The following LRFN5 variants were observed in gnomAD, a reference collection of about 807,000 sequenced individuals.
LRFN5 encodes the protein leucine-rich repeat and fibronectin type-III domain-containing protein 5.
LRFN5 carries 24 observed loss-of-function variants against 45.6 expected under a neutral mutation model. That is an observed-to-expected ratio of 0.53 (90% CI 0.38 to 0.74). LRFN5 has a LOEUF of 0.74. Among genes scored for constraint, LRFN5 ranks in the 30% least tolerant of loss-of-function variants. The pLI is 0.00. For missense variants in LRFN5, 776 were observed against 861.5 expected (o/e 0.90, Z 1.24); for synonymous variants, 340 against 313.8 (o/e 1.08, Z -0.88).
chr14:41,896,452 G>A (rs1276762237), intron 4 of LRFN5, among the ~76,000 whole-genome samples: 2 of 152,092 alleles, frequency 1.3e-5, no homozygotes, highest in African/African-American at 2.4e-5. Flanking sequence ...TTGAGGAAAG[G>A]ACTTCTGCAC....
intron 1 of LRFN5, among the ~76,000 whole-genome samples, chr14:41,762,731 T>C (rs1566658614): frequency 6.6e-6 from 1 of 152,086 alleles, no homozygotes; most frequent in African/African-American, 2.4e-5. Flanking sequence ...ATAATGGCTA[T>C]TTTATCTCAA....
rs538032035 is a variant in LRFN5, at chr14:41,863,054, C to T, written c.-20-23552C>T. Among the ~76,000 whole-genome samples the T allele has an allele frequency of 1.8e-4, 27 of 151,778 alleles. No individual in the cohort carries two copies. In the East Asian group the frequency reaches 5.3e-3, roughly 30 times the overall value. ...TAATTTTTTGTATTTTTTAGTGAGA[C>T]GGAGTTTCACCGTATTAGCCAGGAT... On this transcript the variant is annotated intron_variant, in intron 2 of 5. Transcript: ENST00000298119.
rs920294320 is a variant in LRFN5, at chr14:41,767,039, T to C, written c.-21+10T>C. The C allele has an allele frequency of 4.6e-5, 7 of 152,726 alleles. No individual in the cohort carries two copies. Among genetic ancestry groups the C allele is most frequent in the Non-Finnish European group, 8.8e-5 (6 of 68,026 alleles). The allele number at this position is 152,726 out of a possible 1,614,324, so 9.5% of individuals were successfully genotyped here. Reference sequence around the variant, plus strand: ...TCTTCAGGCTCCAGAAGTAAGTTGATTGCATTCAGTTCAATCATTGTCAGT... The same window carrying C: ...TCTTCAGGCTCCAGAAGTAAGTTGACTGCATTCAGTTCAATCATTGTCAGT... On this transcript the variant is annotated intron_variant, in intron 2 of 5. Coordinates refer to ENST00000298119, the MANE Select transcript of LRFN5 (RefSeq NM_152447.5).
chr14:41,877,512 T>C, intron 2 of LRFN5, among the ~76,000 whole-genome samples: 1 of 152,222 alleles, frequency 6.6e-6, no homozygotes, highest in African/African-American at 2.4e-5. Flanking sequence ...CTTCAATAAA[T>C]GATAATTATT....
At chr14:41,688,472 A>G (rs1053522722) in intron 1 of LRFN5, among the ~76,000 whole-genome samples, 6 of 151,988 alleles carry the variant, frequency 3.9e-5, no homozygotes, top group Non-Finnish European at 7.4e-5. Flanking sequence ...AAAATTTAAA[A>G]ATAAATTAGT....
At chr14:41,784,572 T>C (rs1594706481) in intron 2 of LRFN5, among the ~76,000 whole-genome samples, 1 of 152,190 alleles carries the variant, frequency 6.6e-6, no homozygotes, top group East Asian at 1.9e-4. Context: ...GAAAATGTTT[T>C]CATTTTTTCT....
chr14:41,782,179 A>G (rs947477689), intron 2 of LRFN5, among the ~76,000 whole-genome samples: 8 of 151,486 alleles, frequency 5.3e-5, no homozygotes, highest in African/African-American at 1.9e-4. Context: ...ACCTTTTGAA[A>G]TTGTTTTAAA....
intron 1 of LRFN5, among the ~76,000 whole-genome samples, chr14:41,708,088 A>G (rs1883139439): frequency 6.6e-6 from 1 of 152,120 alleles, no homozygotes; most frequent in African/African-American, 2.4e-5. Flanking sequence ...TGATGAATTA[A>G]GTACCAAAAT....
chr14:41,680,747 G>T (rs943370374), intron 1 of LRFN5, among the ~76,000 whole-genome samples: 1 of 151,968 alleles, frequency 6.6e-6, no homozygotes, highest in African/African-American at 2.4e-5. Context: ...CCTGGAAAAC[G>T]TGACCTCACC....
chr14:41,781,647 GAGAA>G (rs548156166), intron 2 of LRFN5, among the ~76,000 whole-genome samples: 1,943 of 141,534 alleles, frequency 0.014, 32 homozygotes, highest in African/African-American at 0.039. Flanking sequence ...AAGAAAGAAA[GAGAA>G]AGAAAGAAAG....
intron 2 of LRFN5, among the ~76,000 whole-genome samples, chr14:41,833,842 G>C (rs914956866): frequency 4.6e-5 from 7 of 152,080 alleles, no homozygotes; most frequent in African/African-American, 1.7e-4. Context: ...CTCCAAATTA[G>C]TCTCTTTCTT....
chr14:41,838,630 T>C (rs1888749227), intron 2 of LRFN5, among the ~76,000 whole-genome samples: 1 of 152,016 alleles, frequency 6.6e-6, no homozygotes, highest in Non-Finnish European at 1.5e-5. Context: ...GTGCAGGGAG[T>C]AAAGAAATAA....
chr14:41,863,415 A>G (rs770807266), intron 2 of LRFN5, among the ~76,000 whole-genome samples: 2 of 152,186 alleles, frequency 1.3e-5, no homozygotes, highest in Non-Finnish European at 1.5e-5. Context: ...AAGATTATAC[A>G]TTGACCTATT....
chr14:41,745,335 G>A (rs543315697), intron 1 of LRFN5, among the ~76,000 whole-genome samples: 44 of 152,026 alleles, frequency 2.9e-4, no homozygotes, highest in African/African-American at 1.0e-3. Flanking sequence ...AGCAATGAAT[G>A]AAAACAAAAT....
intron 1 of LRFN5, among the ~76,000 whole-genome samples, chr14:41,714,946 T>C (rs1322898306): frequency 6.6e-6 from 1 of 152,104 alleles, no homozygotes; most frequent in Non-Finnish European, 1.5e-5. Context: ...CTTTTTAGAA[T>C]GTTTCATTTC....
intron 2 of LRFN5, among the ~76,000 whole-genome samples, chr14:41,876,592 A>G (rs1448115748): frequency 6.6e-6 from 1 of 151,866 alleles, no homozygotes; most frequent in African/African-American, 2.4e-5. Flanking sequence ...CACTGTGCCC[A>G]GCCAGTTGTC....
chr14:41,673,312 C>G (rs1294134072), intron 1 of LRFN5, among the ~76,000 whole-genome samples: 1 of 151,394 alleles, frequency 6.6e-6, no homozygotes, highest in Non-Finnish European at 1.5e-5. Flanking sequence ...GCGCCCCTCA[C>G]CTCCGGGACG....
At chr14:41,643,534 G>T (rs1473271547) in intron 1 of LRFN5, among the ~76,000 whole-genome samples, 4 of 151,968 alleles carry the variant, frequency 2.6e-5, no homozygotes, top group African/African-American at 9.7e-5. Flanking sequence ...AAAATCATTT[G>T]TCTTTGAATC....
At chr14:41,613,196 AT>A (rs1566588147) in intron 1 of LRFN5, among the ~76,000 whole-genome samples, 2 of 152,216 alleles carry the variant, frequency 1.3e-5, no homozygotes, top group African/African-American at 4.8e-5. Flanking sequence ...TTTAAGTTAC[AT>A]GGTCATATTG....
Sources: allele counts gnomAD v4.1 joint callset (sites outside exome capture counted in the v4.1 genomes callset), GRCh38; gene constraint gnomAD v4.1.1; transcripts MANE v1.5; gene names NCBI Gene and HGNC (gene_info 2026-07-23, HGNC 2026-07-21).